TMEM132D: variants seen among roughly 807,000 people sequenced by gnomAD.
The protein encoded by TMEM132D is mature OL transmembrane protein.
In TMEM132D, 21 loss-of-function variants were observed where a neutral mutation model predicts 62.3. The observed-to-expected ratio is 0.34, with a 90% CI of 0.24 to 0.49. The LOEUF (loss-of-function observed/expected upper bound fraction) is 0.49, where lower values mean the gene tolerates loss of function less well. Among genes scored for constraint, TMEM132D ranks in the 20% least tolerant of loss-of-function variants. TMEM132D has a pLI of 0.99. For synonymous variants in TMEM132D, 621 were observed against 575.6 expected, an observed-to-expected ratio of 1.08 and a Z score of -1.13; for missense variants, 1,346 against 1,402.8, an observed-to-expected ratio of 0.96 and a Z score of 0.65.
Position 129,729,057 on chromosome 12 carries a change from C to T in TMEM132D, c.80-28359G>A, listed in dbSNP as rs1263170514. Among the ~76,000 whole-genome samples the T allele has an allele frequency of 3.3e-5, 5 of 152,274 alleles. No individual in the cohort carries two copies. The East Asian group carries it at 9.6e-4, about 29-fold the overall frequency. ...TCTTGACTTAAGCTTTCATTTAAAA[C>T]ATTTCAAGATTTGTTAAATCTGTCA... On this transcript the variant is annotated intron_variant, in intron 1 of 8. Transcript: ENST00000422113.
At chr12:129,422,822 T>C (rs965460566) in intron 3 of TMEM132D, among the ~76,000 whole-genome samples, 3 of 150,874 alleles carry the variant, frequency 2.0e-5, no homozygotes, top group Admixed American at 6.6e-5. Context: ...CTGTTTATTA[T>C]GCAGGTATTT....
At chr12:129,786,517 T>A (rs777565360) in intron 1 of TMEM132D, among the ~76,000 whole-genome samples, 44 of 152,220 alleles carry the variant, frequency 2.9e-4, no homozygotes, top group Non-Finnish European at 4.4e-4. Flanking sequence ...GTATTACGTG[T>A]AATGTTGTGT....
intron 2 of TMEM132D, among the ~76,000 whole-genome samples, chr12:129,638,758 G>T (rs1879563111): frequency 6.6e-6 from 1 of 151,886 alleles, no homozygotes; most frequent in Non-Finnish European, 1.5e-5. Flanking sequence ...CAACCACACA[G>T]GTGCGATGTT....
chr12:129,089,751 G>T (rs1159937348), intron 5 of TMEM132D, among the ~76,000 whole-genome samples: 2 of 152,246 alleles, frequency 1.3e-5, no homozygotes, highest in Non-Finnish European at 2.9e-5. Flanking sequence ...AGCCACCCCA[G>T]CAGGCACTGT....
intron 5 of TMEM132D, among the ~76,000 whole-genome samples, chr12:129,100,639 T>C (rs915668148): frequency 1.3e-5 from 2 of 152,158 alleles, no homozygotes; most frequent in African/African-American, 4.8e-5. Context: ...GCCTCAATAA[T>C]TTTTTTCTGG....
intron 3 of TMEM132D, among the ~76,000 whole-genome samples, chr12:129,369,855 G>A (rs952567830): frequency 6.6e-6 from 1 of 152,244 alleles, no homozygotes; most frequent in African/African-American, 2.4e-5. Context: ...ATTTTCGCAT[G>A]CTTGTAAGCT....
Position 129,320,604 on chromosome 12 carries a change from C to T in TMEM132D, c.1299+17030G>A, listed in dbSNP as rs78668635. On this transcript the variant is annotated intron_variant, in intron 4 of 8. Coordinates refer to ENST00000422113, the MANE Select transcript of TMEM132D (RefSeq NM_133448.3). Reference sequence around the variant, plus strand: ...CATGTGAAGTATTCTGGTGTCTCATCTAAGAGCCAAAGAAAGTCATAGATA... The same window carrying T: ...CATGTGAAGTATTCTGGTGTCTCATTTAAGAGCCAAAGAAAGTCATAGATA... Among the ~76,000 whole-genome samples, 1,177 of 152,194 alleles carry T rather than the reference C, an allele frequency of 7.7e-3. 42 individuals carry two copies. Among genetic ancestry groups the T allele is most frequent in the Admixed American group, 0.054 (820 of 15,278 alleles).
At chr12:129,082,363 G>A (rs189398612) in intron 6 of TMEM132D, among the ~76,000 whole-genome samples, 79 of 152,314 alleles carry the variant, frequency 5.2e-4, no homozygotes, top group African/African-American at 1.7e-3. Context: ...TATGGCAAAA[G>A]TGATTGGATG....
intron 1 of TMEM132D, among the ~76,000 whole-genome samples, chr12:129,890,262 G>A (rs1874878518): frequency 6.6e-6 from 1 of 152,208 alleles, no homozygotes; most frequent in African/African-American, 2.4e-5. Context: ...GGCAGTGAGT[G>A]ACATGAGGCC....
chr12:129,781,115 A>G (rs1314925354), intron 1 of TMEM132D, among the ~76,000 whole-genome samples: 1 of 152,222 alleles, frequency 6.6e-6, no homozygotes, highest in East Asian at 1.9e-4. Flanking sequence ...TATATTTTAA[A>G]TCTATAAACT....
chr12:129,632,661 A>G (rs187574555), intron 2 of TMEM132D, among the ~76,000 whole-genome samples: 5 of 152,106 alleles, frequency 3.3e-5, no homozygotes, highest in Admixed American at 2.0e-4. Context: ...TTTCTTCTCT[A>G]TTCTCAGCTG....
chr12:129,798,448 G>C (rs1381868635), intron 1 of TMEM132D, among the ~76,000 whole-genome samples: 1 of 151,658 alleles, frequency 6.6e-6, no homozygotes, highest in Non-Finnish European at 1.5e-5. Flanking sequence ...AGCTAATGTA[G>C]TAGAAACATA....
intron 2 of TMEM132D, among the ~76,000 whole-genome samples, chr12:129,645,896 A>G (rs1030641866): frequency 6.6e-5 from 10 of 152,080 alleles, no homozygotes; most frequent in Admixed American, 5.9e-4. Flanking sequence ...AAGTTCCCCT[A>G]TATGTTCTAA....
chr12:129,805,271 A>T lies in TMEM132D; in HGVS notation c.79+97990T>A, dbSNP rs552968546. Among the ~76,000 whole-genome samples, 248 of 152,238 alleles carry T rather than the reference A, an allele frequency of 1.6e-3. 6 individuals carry two copies. In the South Asian group the frequency reaches 0.028, roughly 17 times the overall value. Reference sequence around the variant, plus strand: ...CCAAAAGAACAAAGCTGGAGCCATCATGCTACCTGACTTCAAACTATACTA... The same window carrying T: ...CCAAAAGAACAAAGCTGGAGCCATCTTGCTACCTGACTTCAAACTATACTA... On this transcript the variant is annotated intron_variant, in intron 1 of 8. Transcript: ENST00000422113.
chr12:129,162,245 C>T (rs116353483), intron 5 of TMEM132D, among the ~76,000 whole-genome samples: 2 of 152,208 alleles, frequency 1.3e-5, no homozygotes, highest in African/African-American at 4.8e-5. Flanking sequence ...CTTGCATGCT[C>T]CATGCACTGA....
At chr12:129,095,922 G>A (rs1193644674) in intron 5 of TMEM132D, among the ~76,000 whole-genome samples, 1 of 152,140 alleles carries the variant, frequency 6.6e-6, no homozygotes, top group African/African-American at 2.4e-5. Context: ...GATAAATACA[G>A]TCAGCCATTC....
At chr12:129,361,562 A>C (rs908898776) in intron 3 of TMEM132D, among the ~76,000 whole-genome samples, 1 of 152,188 alleles carries the variant, frequency 6.6e-6, no homozygotes, top group Non-Finnish European at 1.5e-5. Flanking sequence ...CACTGACATA[A>C]AGTCAGGCCC....
intron 1 of TMEM132D, among the ~76,000 whole-genome samples, chr12:129,899,406 CATGG>C (rs373344068): frequency 0.39 from 40,138 of 102,500 alleles, 7,264 homozygotes; most frequent in Middle Eastern, 0.46. Flanking sequence ...TGGATGGATG[CATGG>C]ATGGATGGAT....
chr12:129,699,680 G>T, intron 2 of TMEM132D, 130 bp downstream of exon 2: 1 of 1,131,832 alleles, frequency 8.8e-7, no homozygotes, highest in Non-Finnish European at 1.3e-6. Context: ...CGGTGCAGAT[G>T]GAGTTTGTAA....
Sources: allele counts gnomAD v4.1 joint callset (sites outside exome capture counted in the v4.1 genomes callset), GRCh38; gene constraint gnomAD v4.1.1; transcripts MANE v1.5; gene names NCBI Gene and HGNC (gene_info 2026-07-23, HGNC 2026-07-21).